Variants in HEXB observed in about 807,000 individuals in gnomAD.
The protein encoded by HEXB is hexosaminidase subunit beta.
A neutral mutation model predicts 71.2 loss-of-function variants in HEXB; 51 were observed. That is an observed-to-expected ratio of 0.72 (90% CI 0.57 to 0.90). The LOEUF is 0.90. HEXB is among the 40% of genes least tolerant of loss of function. The pLI is 0.00. For missense variants in HEXB, 617 were observed against 677.0 expected, an observed-to-expected ratio of 0.91 and a Z score of 0.98; for synonymous variants, 266 against 249.3, an observed-to-expected ratio of 1.07 and a Z score of -0.63.
intron 6 of HEXB, among the ~76,000 whole-genome samples, chr5:74,711,691 C>G (rs1749546280): frequency 6.6e-6 from 1 of 152,022 alleles, no homozygotes; most frequent in Admixed American, 6.6e-5. Context: ...AAATGCTCAT[C>G]ATCACTGGCC....
At chr5:74,655,263 T>C (rs1054468492) in intron 1 of HEXB, among the ~76,000 whole-genome samples, 1 of 151,394 alleles carries the variant, frequency 6.6e-6, no homozygotes, top group Non-Finnish European at 1.5e-5. Context: ...AAGAATGTTC[T>C]AACCAATACC....
intron 13 of HEXB, 40 bp from the exon 14 acceptor site, chr5:74,721,078 C>CTAAATCAATCTAAAATATCTTTA (rs1554037297): frequency 6.9e-7 from 1 of 1,456,980 alleles, no homozygotes; most frequent in Non-Finnish European, 9.6e-7. Context: ...TGATATCAAT[C>CTAAATCAATCTAAAATATCTTTA]TAAATCAATC....
At chr5:74,679,637 TA>T (rs2112113775) in intron 1 of HEXB, among the ~76,000 whole-genome samples, 1 of 151,830 alleles carries the variant, frequency 6.6e-6, no homozygotes, top group Admixed American at 6.6e-5. Flanking sequence ...CTGTCTCTAC[TA>T]AAAGTACAAA....
At chr5:74,711,269 T>C (rs1243181424) in intron 6 of HEXB, among the ~76,000 whole-genome samples, 1 of 146,532 alleles carries the variant, frequency 6.8e-6, no homozygotes, top group Non-Finnish European at 1.5e-5. Context: ...CCTTACACCT[T>C]ATACAAAAAT....
chr5:74,671,530 G>A (rs1393103584), intron 1 of HEXB, among the ~76,000 whole-genome samples: 2 of 152,166 alleles, frequency 1.3e-5, no homozygotes, highest in Non-Finnish European at 2.9e-5. Flanking sequence ...CCAGGGGCAG[G>A]GAGGGGAGAG....
intron 1 of HEXB, among the ~76,000 whole-genome samples, chr5:74,650,542 G>C (rs967324969): frequency 6.6e-6 from 1 of 152,156 alleles, no homozygotes; most frequent in Non-Finnish European, 1.5e-5. Context: ...GAGGTGTCAG[G>C]GGTCTGCTGC....
At chr5:74,686,989 T>C (rs1372124161) in intron 1 of HEXB, among the ~76,000 whole-genome samples, 1 of 152,218 alleles carries the variant, frequency 6.6e-6, no homozygotes, top group East Asian at 1.9e-4. Flanking sequence ...GCATGGGTGA[T>C]GTAAGTTAAC....
chr5:74,704,901 G>A (rs866806124), intron 5 of HEXB, among the ~76,000 whole-genome samples: 2 of 152,198 alleles, frequency 1.3e-5, no homozygotes, highest in South Asian at 2.1e-4. Context: ...AGACCAGCCT[G>A]GGCAACATGG....
chr5:74,708,753 A>G (rs1325750101), intron 6 of HEXB, among the ~76,000 whole-genome samples: 4 of 150,898 alleles, frequency 2.7e-5, no homozygotes, highest in Non-Finnish European at 4.5e-5. Context: ...TATCCTAAAT[A>G]TATATGCACC....
chr5:74,688,363 G>T (rs820886), intron 1 of HEXB, among the ~76,000 whole-genome samples: 1 of 125,066 alleles, frequency 8.0e-6, no homozygotes, highest in African/African-American at 3.0e-5. Context: ...ATGGAGTCTC[G>T]TTCTGTCACC....
intron 1 of HEXB, among the ~76,000 whole-genome samples, chr5:74,670,066 G>T (rs1484374032): frequency 6.6e-6 from 1 of 152,240 alleles, no homozygotes; most frequent in East Asian, 1.9e-4. Flanking sequence ...TGAAAGCCAA[G>T]GTACTAGTCT....
chr5:74,653,534 C>T (rs1300035207), intron 1 of HEXB, among the ~76,000 whole-genome samples: 1 of 152,170 alleles, frequency 6.6e-6, no homozygotes, highest in Admixed American at 6.5e-5. Context: ...GTGATCAATT[C>T]CTGCAGGATC....
rs866133855 is a variant in HEXB, at chr5:74,657,093, C to T, written c.-377+16535C>T. ...CCACAGTCACCCCTGGTCAACACAG[C>T]GACAAGAACAGGAGGCAACACAGAA... On this transcript the variant is annotated intron_variant, in intron 1 of 13. Transcript: ENST00000511181. 5.3e-5 allele frequency among the ~76,000 whole-genome samples: 8 copies of T among 152,206 alleles called. 1 individual carries two copies. The highest frequency in any genetic ancestry group is 6.8e-3 in the Middle Eastern group (2 of 294).
intron 1 of HEXB, among the ~76,000 whole-genome samples, chr5:74,661,873 T>G (rs1748332196): frequency 6.6e-6 from 1 of 152,236 alleles, no homozygotes; most frequent in Non-Finnish European, 1.5e-5. Flanking sequence ...AGATTTGAAT[T>G]AAGCAGGAGT....
chr5:74,685,949 A>C (rs1580377729), intron 1 of HEXB, among the ~76,000 whole-genome samples: 1 of 152,154 alleles, frequency 6.6e-6, no homozygotes, highest in Non-Finnish European at 1.5e-5. Context: ...TTGAGGGACC[A>C]GGAATCCCCC....
At chr5:74,698,537 GCACACCAC>G (rs1333272284) in intron 5 of HEXB, among the ~76,000 whole-genome samples, 2 of 151,520 alleles carry the variant, frequency 1.3e-5, no homozygotes, top group Non-Finnish European at 2.9e-5. Context: ...GATTACAGGT[GCACACCAC>G]CACACCCAGC....
At chr5:74,658,893 A>T (rs1748269117) in intron 1 of HEXB, among the ~76,000 whole-genome samples, 1 of 152,170 alleles carries the variant, frequency 6.6e-6, no homozygotes, top group Admixed American at 6.5e-5. Flanking sequence ...CTAAACTTGC[A>T]GTTGGTGTCA....
At chr5:74,699,600 A>G (rs1400484559) in intron 5 of HEXB, among the ~76,000 whole-genome samples, 1 of 151,980 alleles carries the variant, frequency 6.6e-6, no homozygotes, top group Non-Finnish European at 1.5e-5. Flanking sequence ...ACAGTTGAAT[A>G]TTTCATTTTA....
intron 1 of HEXB, among the ~76,000 whole-genome samples, chr5:74,657,418 C>T (rs1288734355): frequency 6.6e-6 from 1 of 152,142 alleles, no homozygotes; most frequent in African/African-American, 2.4e-5. Context: ...CTCCTATTAG[C>T]GAGCCTGTCC....
Sources: allele counts gnomAD v4.1 joint callset (sites outside exome capture counted in the v4.1 genomes callset), GRCh38; gene constraint gnomAD v4.1.1; transcripts MANE v1.5; gene names NCBI Gene and HGNC (gene_info 2026-07-23, HGNC 2026-07-21).